PTPRT: variants seen among roughly 807,000 people sequenced by gnomAD.
The protein encoded by PTPRT is receptor-type tyrosine-protein phosphatase T.
In PTPRT, 56 loss-of-function variants were observed where a neutral mutation model predicts 176.8. The ratio of observed to expected loss-of-function variants is 0.32; its 90% CI spans 0.26 to 0.40. The LOEUF is 0.40. Among genes scored for constraint, PTPRT ranks in the 10% least tolerant of loss-of-function variants. PTPRT has a pLI of 1.00. For missense variants in PTPRT, 1,540 were observed against 1,908.2 expected (o/e 0.81, Z 3.60); for synonymous variants, 783 against 739.0 (o/e 1.06, Z -0.96).
chr20:42,464,984 T>C (rs190057121), intron 8 of PTPRT, among the ~76,000 whole-genome samples: 2 of 152,116 alleles, frequency 1.3e-5, no homozygotes, highest in East Asian at 1.9e-4. Context: ...ATGAGTTTTT[T>C]AAAAAGTATG....
chr20:43,015,863 C>T lies in PTPRT; in HGVS notation c.89-129931G>A, dbSNP rs147299829. Among the ~76,000 whole-genome samples, 723 of 149,590 alleles carry T rather than the reference C, an allele frequency of 4.8e-3. 9 individuals carry two copies. The highest frequency in any genetic ancestry group is 0.017 in the African/African-American group (695 of 40,460). ...CAGCAGATTCCTTTGCAGATATAAACATAAGATAAGAAAACAGGCCTGCAG... is the reference window on the plus strand; with the variant it reads ...CAGCAGATTCCTTTGCAGATATAAATATAAGATAAGAAAACAGGCCTGCAG... On this transcript the variant is annotated intron_variant, in intron 1 of 30. Coordinates refer to ENST00000373187, the MANE Select transcript of PTPRT (RefSeq NM_007050.6).
At chr20:42,608,788 TGAAGGA>T (rs1160587985) in intron 7 of PTPRT, among the ~76,000 whole-genome samples, 1 of 152,198 alleles carries the variant, frequency 6.6e-6, no homozygotes, top group Non-Finnish European at 1.5e-5. Context: ...GAGTGAGTTC[TGAAGGA>T]GAAGATCTTC....
intron 9 of PTPRT, among the ~76,000 whole-genome samples, chr20:42,393,202 A>C (rs1325522830): frequency 6.6e-6 from 1 of 152,182 alleles, no homozygotes; most frequent in East Asian, 1.9e-4. Flanking sequence ...GGAAGGTGAG[A>C]TATCCTCCTA....
chr20:42,716,257 G>T (rs998328737), intron 6 of PTPRT, among the ~76,000 whole-genome samples: 1 of 152,130 alleles, frequency 6.6e-6, no homozygotes, highest in Non-Finnish European at 1.5e-5. Context: ...ATTGCAGAGG[G>T]TATATACCCA....
At chr20:42,620,160 G>C (rs1400211249) in intron 7 of PTPRT, among the ~76,000 whole-genome samples, 5 of 147,552 alleles carry the variant, frequency 3.4e-5, no homozygotes, top group African/African-American at 1.3e-4. Flanking sequence ...CCTTCTAACA[G>C]ACAGGACCCT....
the PTPRT span, among the ~76,000 whole-genome samples, chr20:42,055,550 G>A: frequency 2.0e-5 from 3 of 152,272 alleles, no homozygotes; most frequent in East Asian, 5.8e-4. Context: ...TGGGGGCAAG[G>A]GATGTGGTTG....
rs267605937 is a variant in PTPRT, at chr20:42,756,622, C to T, written c.699G>A (p.Arg233=). The part of the protein sequence containing the change: ...DKLWLQQWNG[R]DTALMVTRVV... The stretch of plus-strand genomic sequence containing the variant: ...CACGGGTGACCATCAGGGCCGTGTC[C>T]CTGCCATTCCATTGCTGCAGAACAG... The change falls in exon 6 of 31, where the codon AGG becomes AGA. Residue 233 remains arginine (R), a synonymous_variant. Coordinates refer to ENST00000373187, the MANE Select transcript of PTPRT (RefSeq NM_007050.6). 6.3e-7 allele frequency: 1 copy of T among 1,591,140 alleles called. No homozygotes were observed. Among genetic ancestry groups the T allele is most frequent in the Non-Finnish European group, 8.6e-7 (1 of 1,165,500 alleles).
chr20:43,125,335 A>C lies in PTPRT; in HGVS notation c.88+64311T>G, dbSNP rs117463114. Among the ~76,000 whole-genome samples, 300 of 152,228 alleles carry C rather than the reference A, an allele frequency of 2.0e-3. 12 individuals are homozygous for C. The East Asian group carries it at 0.047, about 24-fold the overall frequency. On this transcript the variant is annotated intron_variant, in intron 1 of 30. Transcript: ENST00000373187. ...TTTGAACTCTGACCTTCCTGGTGCC[A>C]AATTCCACCCTCTTTCTACCACCCA...
intron 2 of PTPRT, among the ~76,000 whole-genome samples, chr20:42,822,772 G>A (rs536620881): frequency 3.9e-4 from 59 of 152,138 alleles, no homozygotes; most frequent in African/African-American, 1.3e-3. Flanking sequence ...AGACATTTAC[G>A]CAGCCAACAA....
intron 1 of PTPRT, among the ~76,000 whole-genome samples, chr20:42,960,837 G>T (rs1373206609): frequency 6.6e-6 from 1 of 152,074 alleles, no homozygotes; most frequent in Non-Finnish European, 1.5e-5. Flanking sequence ...CCCTATGTTG[G>T]GAGAATATAC....
chr20:42,054,132 G>A, the PTPRT span, among the ~76,000 whole-genome samples: 1 of 152,172 alleles, frequency 6.6e-6, no homozygotes, highest in Admixed American at 6.5e-5. Flanking sequence ...GTTTCTCATG[G>A]CCCAACATGA....
At chr20:43,080,038 T>C (rs2011395610) in intron 1 of PTPRT, among the ~76,000 whole-genome samples, 1 of 152,232 alleles carries the variant, frequency 6.6e-6, no homozygotes, top group Non-Finnish European at 1.5e-5. Flanking sequence ...GATTATATTA[T>C]TGTTCTCAAT....
At chr20:42,203,759 A>G (rs1379081214) in intron 15 of PTPRT, among the ~76,000 whole-genome samples, 1 of 152,236 alleles carries the variant, frequency 6.6e-6, no homozygotes, top group Non-Finnish European at 1.5e-5. Flanking sequence ...ATACAGAGAC[A>G]AAAATCACAA....
intron 3 of PTPRT, 38 bp downstream of exon 3, chr20:42,791,157 C>A: frequency 6.5e-7 from 1 of 1,534,412 alleles, no homozygotes; most frequent in Non-Finnish European, 8.8e-7. Flanking sequence ...AGATTTATTA[C>A]AAATTTTCAA....
intron 1 of PTPRT, among the ~76,000 whole-genome samples, chr20:43,044,389 A>G (rs1290920043): frequency 1.3e-5 from 2 of 152,148 alleles, no homozygotes; most frequent in African/African-American, 4.8e-5. Context: ...CCCCCTCTCC[A>G]GGAAGACTTG....
intron 1 of PTPRT, among the ~76,000 whole-genome samples, chr20:43,090,940 A>T (rs1429495359): frequency 3.5e-4 from 54 of 152,196 alleles, no homozygotes; most frequent in Non-Finnish European, 4.4e-5. Flanking sequence ...ATACCTTTTA[A>T]AAAATCCTGG....
At chr20:42,972,491 G>A (rs1038560170) in intron 1 of PTPRT, among the ~76,000 whole-genome samples, 3 of 151,288 alleles carry the variant, frequency 2.0e-5, no homozygotes, top group South Asian at 2.1e-4. Context: ...ATGAAACCCC[G>A]TCTCTACCAA....
At chr20:42,877,087 A>T (rs1453912487) in intron 2 of PTPRT, among the ~76,000 whole-genome samples, 1 of 152,088 alleles carries the variant, frequency 6.6e-6, no homozygotes, top group Non-Finnish European at 1.5e-5. Context: ...AAAAATACGA[A>T]GTTTCTGGAA....
At chr20:43,109,931 C>T (rs1372693910) in intron 1 of PTPRT, among the ~76,000 whole-genome samples, 1 of 152,130 alleles carries the variant, frequency 6.6e-6, no homozygotes, top group Non-Finnish European at 1.5e-5. Flanking sequence ...GAGTCAAGAA[C>T]AGAGGCAAAG....
Sources: gnomAD v4.1 joint callset for allele counts (sites outside exome capture counted in the v4.1 genomes callset) on GRCh38, gnomAD v4.1.1 for gene constraint, MANE v1.5 for transcripts, NCBI Gene and HGNC (gene_info 2026-07-23, HGNC 2026-07-21) for gene names.